OLFM3: variants seen among roughly 807,000 people sequenced by gnomAD.
OLFM3 encodes olfactomedin 3.
A neutral mutation model predicts 48.6 loss-of-function variants in OLFM3; 20 were observed. The observed-to-expected ratio is 0.41, with a 90% CI of 0.29 to 0.60. The LOEUF is 0.60. Among genes scored for constraint, OLFM3 ranks in the 20% least tolerant of loss-of-function variants. The pLI is 0.28. For missense variants in OLFM3, 437 were observed against 544.3 expected (o/e 0.80, Z 1.96); for synonymous variants, 222 against 198.1 (o/e 1.12, Z -1.01).
chr1:101,883,710 C>A (rs541648069), intron 1 of OLFM3, among the ~76,000 whole-genome samples: 1 of 151,884 alleles, frequency 6.6e-6, no homozygotes, highest in Non-Finnish European at 1.5e-5. Flanking sequence ...AGAAGTGACA[C>A]GCAATTAACA....
At chr1:101,856,579 A>C (rs1482091839) in intron 1 of OLFM3, among the ~76,000 whole-genome samples, 1 of 151,982 alleles carries the variant, frequency 6.6e-6, no homozygotes, top group Non-Finnish European at 1.5e-5. Context: ...GAAATCAAAT[A>C]GCTGATTTTT....
intron 1 of OLFM3, among the ~76,000 whole-genome samples, chr1:101,983,573 A>G (rs1401248294): frequency 6.6e-6 from 1 of 152,246 alleles, no homozygotes; most frequent in Non-Finnish European, 1.5e-5. Context: ...GTAAGTATTT[A>G]TTGAAAAAGT....
At chr1:101,960,099 G>T (rs564482149) in intron 1 of OLFM3, among the ~76,000 whole-genome samples, 1 of 152,226 alleles carries the variant, frequency 6.6e-6, no homozygotes, top group South Asian at 2.1e-4. Flanking sequence ...CGAGGCTTAT[G>T]GAGGAAACGG....
intron 4 of OLFM3, among the ~76,000 whole-genome samples, chr1:101,820,248 T>G (rs1654544512): frequency 6.6e-6 from 1 of 152,118 alleles, no homozygotes; most frequent in African/African-American, 2.4e-5. Context: ...CCCAAAGCTG[T>G]GTAATAGAAC....
chr1:101,830,587 A>T, intron 3 of OLFM3, 85 bp downstream of exon 3: 3 of 1,422,804 alleles, frequency 2.1e-6, no homozygotes, highest in Non-Finnish European at 3.0e-6. Context: ...GCCAATGCAC[A>T]TTCATTTCTA....
intron 1 of OLFM3, among the ~76,000 whole-genome samples, chr1:101,994,068 A>G (rs572495184): frequency 2.0e-5 from 3 of 151,840 alleles, no homozygotes; most frequent in African/African-American, 7.2e-5. Flanking sequence ...AAACTAATAT[A>G]TAAGAAGTAC....
chr1:101,982,567 G>A (rs920820109), intron 1 of OLFM3, among the ~76,000 whole-genome samples: 2 of 152,120 alleles, frequency 1.3e-5, no homozygotes, highest in African/African-American at 4.8e-5. Context: ...GCTTCCAAAG[G>A]AGATTAAAAT....
intron 1 of OLFM3, among the ~76,000 whole-genome samples, chr1:101,919,876 C>T (rs1347846035): frequency 1.3e-5 from 2 of 152,146 alleles, no homozygotes; most frequent in African/African-American, 4.8e-5. Flanking sequence ...TTTATTATTT[C>T]TGCCCCCTTC....
intron 1 of OLFM3, among the ~76,000 whole-genome samples, chr1:101,923,800 C>T (rs945192046): frequency 6.6e-6 from 1 of 152,022 alleles, no homozygotes; most frequent in Non-Finnish European, 1.5e-5. Flanking sequence ...AGTGGTTTCC[C>T]TTCAATAGGT....
chr1:101,882,327 A>AT (rs1249092798), intron 1 of OLFM3, among the ~76,000 whole-genome samples: 3 of 100,510 alleles, frequency 3.0e-5, no homozygotes, highest in African/African-American at 1.1e-4. Flanking sequence ...ATATATATAT[A>AT]TATAATATAT....
At chr1:101,820,429 C>T (rs1294805180) in intron 4 of OLFM3, among the ~76,000 whole-genome samples, 2 of 152,040 alleles carry the variant, frequency 1.3e-5, no homozygotes, top group South Asian at 2.1e-4. Flanking sequence ...CAGTCAAATT[C>T]TCACATCCAT....
rs369579723 is a variant in OLFM3, at chr1:101,811,032, TA to T, written c.593-4851del. Among the ~76,000 whole-genome samples the T allele has an allele frequency of 2.0e-4, 31 of 151,964 alleles. 1 individual carries two copies. In the East Asian group the frequency reaches 5.6e-3, roughly 27 times the overall value. On this transcript the variant is annotated intron_variant, in intron 4 of 5. Coordinates refer to ENST00000370103, the MANE Select transcript of OLFM3 (RefSeq NM_058170.4). ...AAGGAGAAAATGTTAGTCTAAAACT[TA>T]AAAATATTTTAAAAATGTGAATGAT...
chr1:101,885,590 C>A (rs1306018931), intron 1 of OLFM3, among the ~76,000 whole-genome samples: 2 of 152,074 alleles, frequency 1.3e-5, no homozygotes, highest in Non-Finnish European at 2.9e-5. Flanking sequence ...TCCTTCTTCT[C>A]AGCCTAATCA....
At chr1:101,929,702 C>A (rs1425162469) in intron 1 of OLFM3, among the ~76,000 whole-genome samples, 1 of 152,034 alleles carries the variant, frequency 6.6e-6, no homozygotes, top group African/African-American at 2.4e-5. Context: ...TTCTGCCACA[C>A]AAAATAAATT....
In OLFM3 at chr1:101,865,973, T is replaced by A. The variant is rs973228451; in HGVS notation, c.70-28948A>T. Reference sequence around the variant, plus strand: ...GAGAAAGTTAGGCCAGTGATTTTCATTATATGCAACAAAGCTGTTTGCCTT... The same window carrying A: ...GAGAAAGTTAGGCCAGTGATTTTCAATATATGCAACAAAGCTGTTTGCCTT... On this transcript the variant is annotated intron_variant, in intron 1 of 5. Coordinates refer to ENST00000370103, the MANE Select transcript of OLFM3 (RefSeq NM_058170.4). Among the ~76,000 whole-genome samples, 10 of 152,338 alleles carry A rather than the reference T, an allele frequency of 6.6e-5. No homozygotes were observed. The East Asian group carries it at 1.9e-3, about 29-fold the overall frequency.
chr1:101,935,324 A>G (rs1252767289), intron 1 of OLFM3, among the ~76,000 whole-genome samples: 1 of 151,482 alleles, frequency 6.6e-6, no homozygotes, highest in Non-Finnish European at 1.5e-5. Context: ...AAAAAAAAAA[A>G]TCATCAGAGA....
At chr1:101,932,460 C>T (rs1248916851) in intron 1 of OLFM3, among the ~76,000 whole-genome samples, 1 of 152,102 alleles carries the variant, frequency 6.6e-6, no homozygotes, top group Non-Finnish European at 1.5e-5. Flanking sequence ...GACATAGACA[C>T]TGGGCTGAAG....
intron 1 of OLFM3, among the ~76,000 whole-genome samples, chr1:101,855,659 A>T (rs1656384407): frequency 6.6e-6 from 1 of 152,114 alleles, no homozygotes; most frequent in African/African-American, 2.4e-5. Context: ...AGCTCTCACC[A>T]GGGAGGCATT....
At chr1:101,925,063 G>T (rs190073499) in intron 1 of OLFM3, among the ~76,000 whole-genome samples, 1 of 152,240 alleles carries the variant, frequency 6.6e-6, no homozygotes, top group African/African-American at 2.4e-5. Context: ...ATGAGTAGAT[G>T]CATTTCTCAT....
Sources: gnomAD v4.1 joint callset for allele counts (sites outside exome capture counted in the v4.1 genomes callset) on GRCh38, gnomAD v4.1.1 for gene constraint, MANE v1.5 for transcripts, NCBI Gene and HGNC (gene_info 2026-07-23, HGNC 2026-07-21) for gene names.